Variants in TAB2 observed in about 807,000 individuals in gnomAD.
TAB2 encodes the protein TGF-beta-activated kinase 1 and MAP3K7-binding protein 2.
TAB2 carries 3 observed loss-of-function variants against 65.0 expected under a neutral mutation model. The ratio of observed to expected loss-of-function variants is 0.05; its 90% CI spans 0.02 to 0.12. The LOEUF is 0.12. Ranked by LOEUF, TAB2 falls within the 10% of genes least tolerant of loss-of-function variation. TAB2 has a pLI of 1.00. For synonymous variants in TAB2, 298 were observed against 285.1 expected (o/e 1.05, Z -0.46); for missense variants, 623 against 840.3 (o/e 0.74, Z 3.20).
chr6:149,233,800 T>A (rs1159177486), intron 1 of TAB2, among the ~76,000 whole-genome samples: 1 of 152,224 alleles, frequency 6.6e-6, no homozygotes, highest in African/African-American at 2.4e-5. Context: ...TGGCAAGAAC[T>A]GCAATTACTT....
intron 1 of TAB2, among the ~76,000 whole-genome samples, chr6:149,345,558 GTTA>G (rs1248901168): frequency 1.3e-5 from 2 of 152,054 alleles, no homozygotes; most frequent in African/African-American, 2.4e-5. Context: ...ATGAATATGT[GTTA>G]TTATAAAAAT....
intron 2 of TAB2, among the ~76,000 whole-genome samples, chr6:149,377,367 C>T (rs1781439812): frequency 6.6e-6 from 1 of 151,610 alleles, no homozygotes; most frequent in East Asian, 2.0e-4. Context: ...TTTTTTCCCC[C>T]CCGCCACTCT....
At chr6:149,298,153 G>A (rs1778910030) in intron 1 of TAB2, among the ~76,000 whole-genome samples, 1 of 152,064 alleles carries the variant, frequency 6.6e-6, no homozygotes, top group African/African-American at 2.4e-5. Context: ...GATTTCAGGA[G>A]ATTATATTCA....
intron 1 of TAB2, among the ~76,000 whole-genome samples, chr6:149,330,904 G>A (rs889280143): frequency 1.3e-5 from 2 of 152,020 alleles, no homozygotes; most frequent in Admixed American, 1.3e-4. Context: ...AATTGCTTTT[G>A]TACCTTTGTC....
chr6:149,306,034 G>A (rs1779060168), intron 1 of TAB2, among the ~76,000 whole-genome samples: 1 of 152,162 alleles, frequency 6.6e-6, no homozygotes, highest in Admixed American at 6.5e-5. Flanking sequence ...TTTGTTCTAA[G>A]AGAAATAAGA....
intron 1 of TAB2, among the ~76,000 whole-genome samples, chr6:149,232,381 C>G (rs934293204): frequency 1.3e-5 from 2 of 152,196 alleles, no homozygotes; most frequent in Non-Finnish European, 2.9e-5. Context: ...GCACACAACA[C>G]CACGCCCAGC....
At chr6:149,252,714 T>C (rs1415053929) in intron 1 of TAB2, among the ~76,000 whole-genome samples, 1 of 152,228 alleles carries the variant, frequency 6.6e-6, no homozygotes, top group Non-Finnish European at 1.5e-5. Context: ...GTCTTAGTAC[T>C]GCTCACACCC....
chr6:149,404,161 A>G (rs1011982782), intron 6 of TAB2, among the ~76,000 whole-genome samples: 6 of 152,364 alleles, frequency 3.9e-5, no homozygotes, highest in South Asian at 2.1e-4. Flanking sequence ...ACAGAAGTCA[A>G]TTGTGTTTCT....
chr6:149,268,693 G>A (rs1220906071), intron 1 of TAB2, among the ~76,000 whole-genome samples: 2 of 152,208 alleles, frequency 1.3e-5, no homozygotes, highest in Non-Finnish European at 2.9e-5. Flanking sequence ...TTTCGTATAT[G>A]TAACAAAGAA....
chr6:149,357,557 C>T (rs549404830), intron 1 of TAB2, among the ~76,000 whole-genome samples: 2 of 151,622 alleles, frequency 1.3e-5, no homozygotes, highest in East Asian at 1.9e-4. Context: ...TTAGTCTATG[C>T]TTCTGCCCCC....
chr6:149,255,051 G>A (rs1777986300), intron 1 of TAB2, among the ~76,000 whole-genome samples: 1 of 152,144 alleles, frequency 6.6e-6, no homozygotes, highest in Non-Finnish European at 1.5e-5. Flanking sequence ...GGGGACCTGG[G>A]GCAAAACGTT....
intron 3 of TAB2, among the ~76,000 whole-genome samples, chr6:149,388,353 A>G (rs1249312510): frequency 1.3e-5 from 2 of 152,214 alleles, no homozygotes; most frequent in African/African-American, 4.8e-5. Flanking sequence ...TTCAGCAGGA[A>G]CAGGGAGGCA....
intron 1 of TAB2, among the ~76,000 whole-genome samples, chr6:149,349,971 G>A (rs764948870): frequency 2.6e-5 from 4 of 151,996 alleles, no homozygotes; most frequent in African/African-American, 4.8e-5. Context: ...TCACTCTGTC[G>A]CCGAGGCAAG....
At chr6:149,260,067 C>G (rs1778120554) in intron 1 of TAB2, among the ~76,000 whole-genome samples, 1 of 152,196 alleles carries the variant, frequency 6.6e-6, no homozygotes, top group African/African-American at 2.4e-5. Context: ...AGATGGCTTT[C>G]AAATGTGAGC....
At position 149,397,965 on chromosome 6, in the gene TAB2, T is replaced by G. The variant is rs1782232877; in HGVS notation, c.1765-4T>G. The G allele has an allele frequency of 1.9e-6, 3 of 1,612,908 alleles. No individual in the cohort carries two copies. Among genetic ancestry groups the G allele is most frequent in the Non-Finnish European group, 1.7e-6 (2 of 1,179,570 alleles). On this transcript the variant is annotated splice_polypyrimidine_tract_variant and splice_region_variant and intron_variant, in intron 4 of 6. Transcript: ENST00000637181. Reference sequence around the variant, plus strand: ...AATCTTACTTACATAGAATTATTTTTCAGCTTGAAGAAATGCAGCAGCTGA... The same window carrying G: ...AATCTTACTTACATAGAATTATTTTGCAGCTTGAAGAAATGCAGCAGCTGA...
intron 1 of TAB2, among the ~76,000 whole-genome samples, chr6:149,265,107 AAG>A (rs1562393203): frequency 6.6e-6 from 1 of 151,908 alleles, no homozygotes; most frequent in African/African-American, 2.4e-5. Flanking sequence ...TGAAAAAAAA[AAG>A]AGGGAAAGAG....
In TAB2 at chr6:149,251,665, G is replaced by C. The variant is rs1224777832; in HGVS notation, c.-121+32889G>C. ...GCACATCACTCATCAAATAAGACAG[G>C]AGAATGGTCTCCCCACAGGAACCTC... On this transcript the variant is annotated intron_variant, in intron 1 of 1. Transcript: ENST00000606202. Among the ~76,000 whole-genome samples the C allele has an allele frequency of 4.6e-5, 7 of 152,268 alleles. No individual in the cohort carries two copies. The East Asian group carries it at 1.4e-3, about 29-fold the overall frequency.
intron 3 of TAB2, among the ~76,000 whole-genome samples, chr6:149,396,229 T>A (rs1160244701): frequency 6.6e-6 from 1 of 152,142 alleles, no homozygotes; most frequent in East Asian, 1.9e-4. Context: ...TGTTGGCCAG[T>A]CTGGTCTCGA....
At chr6:149,273,125 G>A (rs1036708223) in intron 1 of TAB2, among the ~76,000 whole-genome samples, 14 of 152,062 alleles carry the variant, frequency 9.2e-5, no homozygotes, top group African/African-American at 3.1e-4. Flanking sequence ...AGTGGGTAGA[G>A]GCCAGGGATG....
Sources: gnomAD v4.1 joint callset for allele counts (sites outside exome capture counted in the v4.1 genomes callset) on GRCh38, gnomAD v4.1.1 for gene constraint, MANE v1.5 for transcripts, NCBI Gene and HGNC (gene_info 2026-07-23, HGNC 2026-07-21) for gene names.